Variants in CTBP2 observed in about 807,000 individuals in gnomAD.
CTBP2 encodes C-terminal-binding protein 2.
A neutral mutation model predicts 80.3 loss-of-function variants in CTBP2; 30 were observed. The ratio of observed to expected loss-of-function variants is 0.37; its 90% CI spans 0.28 to 0.51. The LOEUF (loss-of-function observed/expected upper bound fraction) is 0.51, where lower values mean the gene tolerates loss of function less well. Ranked by LOEUF, CTBP2 falls within the 20% of genes least tolerant of loss-of-function variation. CTBP2 has a pLI of 0.93. For missense variants in CTBP2, 1,212 were observed against 1,375.3 expected (o/e 0.88, Z 1.88); for synonymous variants, 594 against 587.4 (o/e 1.01, Z -0.16).
At chr10:125,014,362 G>A (rs954490489) in intron 1 of CTBP2, among the ~76,000 whole-genome samples, 3 of 152,230 alleles carry the variant, frequency 2.0e-5, no homozygotes, top group Admixed American at 6.5e-5. Context: ...TGAGGCAGGT[G>A]GATCCCTTGA....
intron 1 of CTBP2, among the ~76,000 whole-genome samples, chr10:125,006,863 C>CT (rs3837352): frequency 0.18 from 27,181 of 152,192 alleles, 3,923 homozygotes; most frequent in African/African-American, 0.39. Context: ...AAGAACTGGG[C>CT]TTTATGCTAA....
intron 2 of CTBP2, among the ~76,000 whole-genome samples, chr10:125,083,514 A>G (rs1847496517): frequency 6.6e-6 from 1 of 152,158 alleles, no homozygotes; most frequent in South Asian, 2.1e-4. Context: ...AAAAAAGGAA[A>G]AGATACCACA....
chr10:125,020,186 G>A (rs1956897940), intron 1 of CTBP2, among the ~76,000 whole-genome samples: 1 of 152,206 alleles, frequency 6.6e-6, no homozygotes, highest in Non-Finnish European at 1.5e-5. Context: ...AAGATCAACA[G>A]CTTTTAAAGA....
At chr10:125,042,153 C>T (rs2919291) in intron 2 of CTBP2, among the ~76,000 whole-genome samples, 10,305 of 152,218 alleles carry the variant, frequency 0.068, 752 homozygotes, top group African/African-American at 0.18. Context: ...TCCTCTCCCC[C>T]GATATCTCTT....
chr10:125,154,820 G>A (rs1860634229), intron 1 of CTBP2, among the ~76,000 whole-genome samples: 1 of 152,230 alleles, frequency 6.6e-6, no homozygotes, highest in African/African-American at 2.4e-5. Context: ...GAAGGAGAAG[G>A]GCTTTGTGAA....
chr10:125,116,733 G>C (rs1411062458), intron 1 of CTBP2, among the ~76,000 whole-genome samples: 1 of 152,210 alleles, frequency 6.6e-6, no homozygotes, highest in Non-Finnish European at 1.5e-5. Context: ...AAGACATGTA[G>C]CTGTTTCCCA....
chr10:125,020,715 G>A (rs75684761), intron 1 of CTBP2, among the ~76,000 whole-genome samples: 3,251 of 152,218 alleles, frequency 0.021, 127 homozygotes, highest in African/African-American at 0.073. Flanking sequence ...CAGATGCGGC[G>A]AGGAGCCCAG....
intron 2 of CTBP2, among the ~76,000 whole-genome samples, chr10:125,095,106 C>A (rs890340001): frequency 8.5e-5 from 13 of 152,134 alleles, no homozygotes; most frequent in Admixed American, 2.6e-4. Context: ...CTGAGGATGA[C>A]TGCAGCCCCA....
intron 1 of CTBP2, among the ~76,000 whole-genome samples, chr10:125,006,711 T>G (rs1955290124): frequency 6.6e-6 from 1 of 152,210 alleles, no homozygotes; most frequent in East Asian, 1.9e-4. Flanking sequence ...TATTAGGATG[T>G]AACTGACACA....
chr10:124,994,329 C>CA, intron 5 of CTBP2, 140 bp downstream of exon 7: 1 of 858,940 alleles, frequency 1.2e-6, no homozygotes, highest in East Asian at 2.7e-5. Flanking sequence ...TGGCTTGTCA[C>CA]TGGTTTGTTG....
intron 2 of CTBP2, among the ~76,000 whole-genome samples, chr10:125,056,672 C>T (rs1964002520): frequency 1.3e-5 from 2 of 152,246 alleles, no homozygotes; most frequent in African/African-American, 4.8e-5. Context: ...CATCCTCCTG[C>T]CTCTAGAACG....
rs878855348 is a variant in CTBP2 at position 125,002,860 on chromosome 10, T to C, written c.1978+100A>G. ...CCACCTTGCTACAGCCAGAAGCGGC[T>C]GCTCCGTGGTCCCAGTTCCAGCTGC... On this transcript the variant is annotated intron_variant, in intron 3 of 8. Coordinates refer to ENST00000309035, the MANE Select transcript of CTBP2 (RefSeq NM_022802.3). The C allele has an allele frequency of 1.4e-4, 209 of 1,459,220 alleles. 3 individuals are homozygous for C. In the South Asian group the frequency reaches 2.5e-3, roughly 18 times the overall value. 90.4% of individuals were successfully genotyped at this position (1,459,220 alleles called of 1,614,324 possible).
chr10:124,998,008 C>G lies in CTBP2; in HGVS notation c.2141G>C (p.Gly714Ala), dbSNP rs1322658736. The change falls in exon 4 of 9, where the codon GGA (glycine) becomes GCA (alanine). Residue 714 changes from glycine to alanine, a missense_variant. By Grantham distance (60) the Gly-to-Ala change is moderately conservative. Around this residue, in one of 3 missense-constraint regions of CTBP2, gnomAD observed 335 missense variants for 504.7 expected, o/e 0.66. Coordinates refer to ENST00000309035, the MANE Select transcript of CTBP2 (RefSeq NM_022802.3). ...CGTCTCCCCACGGATGCGGGCCGCTCCCGAGGCCACCTCGCGGATCTGCTC... is the reference window on the plus strand; with the variant it reads ...CGTCTCCCCACGGATGCGGGCCGCTGCCGAGGCCACCTCGCGGATCTGCTC... The G allele has an allele frequency of 6.2e-7, 1 of 1,613,146 alleles. No homozygotes were observed. The highest frequency in any genetic ancestry group is 8.5e-7 in the Non-Finnish European group (1 of 1,179,982).
At chr10:125,002,000 C>T (rs1396815960) in intron 3 of CTBP2, among the ~76,000 whole-genome samples, 2 of 152,194 alleles carry the variant, frequency 1.3e-5, no homozygotes, top group African/African-American at 2.4e-5. Flanking sequence ...CAGCCCGTCC[C>T]GGAAGCACCG....
intron 1 of CTBP2, among the ~76,000 whole-genome samples, chr10:125,113,985 A>G (rs772974648): frequency 6.6e-6 from 1 of 152,260 alleles, no homozygotes; most frequent in Non-Finnish European, 1.5e-5. Flanking sequence ...TACTTTAAAA[A>G]GACTGGAGCT....
chr10:125,117,112 G>C (rs1268658260), intron 1 of CTBP2, among the ~76,000 whole-genome samples: 1 of 152,222 alleles, frequency 6.6e-6, no homozygotes, highest in African/African-American at 2.4e-5. Context: ...CCACACCTGT[G>C]CTCTCCCACA....
In CTBP2 at chr10:124,988,474, A is replaced by G. The variant is rs1180565844; in HGVS notation, c.*1044T>C. 1 of 152,682 alleles carries G rather than the reference A, an allele frequency of 6.5e-6. No individual in the cohort carries two copies. The highest frequency in any genetic ancestry group is 1.5e-5 in the Non-Finnish European group (1 of 68,050). The allele number at this position is 152,682 out of a possible 1,614,324, so 9.5% of individuals were successfully genotyped here. On this transcript the variant is annotated 3_prime_UTR_variant, in exon 9 of 9. Transcript: ENST00000309035. ...TTATTTTTCTGTTTGGGACAATTTTAAAGTTTTTCTTTTGTCACAAAAACA... is the reference window on the plus strand; with the variant it reads ...TTATTTTTCTGTTTGGGACAATTTTGAAGTTTTTCTTTTGTCACAAAAACA...
Position 124,986,932 on chromosome 10 carries a change from G to C in CTBP2, c.*2586C>G, listed in dbSNP as rs1952060505. The C allele has an allele frequency of 1.3e-5, 2 of 152,340 alleles. No individual in the cohort carries two copies. The highest frequency in any genetic ancestry group is 2.9e-5 in the Non-Finnish European group (2 of 68,032). 9.4% of individuals were successfully genotyped at this position (152,340 alleles called of 1,614,324 possible). A position where few individuals can be genotyped will look rare whatever the true frequency, so the allele number is the denominator to read the frequency against. On this transcript the variant is annotated 3_prime_UTR_variant, in exon 9 of 9. Transcript: ENST00000309035. ...GCACTTAGCTTCTACTGTGTGTTGTGGTCTGGTGAGTGTTGTTTCCCCTGA... is the reference window on the plus strand; with the variant it reads ...GCACTTAGCTTCTACTGTGTGTTGTCGTCTGGTGAGTGTTGTTTCCCCTGA...
At chr10:125,157,041 C>T (rs1269378159) in intron 1 of CTBP2, among the ~76,000 whole-genome samples, 1 of 152,222 alleles carries the variant, frequency 6.6e-6, no homozygotes, top group Non-Finnish European at 1.5e-5. Flanking sequence ...AAGTATGTCA[C>T]TGGCGTGTTT....
Sources: allele counts gnomAD v4.1 joint callset (sites outside exome capture counted in the v4.1 genomes callset), GRCh38; gene constraint gnomAD v4.1.1; regional missense constraint gnomAD v4.1.1; transcripts MANE v1.5; gene names NCBI Gene and HGNC (gene_info 2026-07-23, HGNC 2026-07-21).